The following SLC15A4 variants were observed in gnomAD, a reference collection of about 807,000 sequenced individuals.
SLC15A4 encodes the protein solute carrier family 15 member 4, also known as hPHT1.
A neutral mutation model predicts 46.1 loss-of-function variants in SLC15A4; 26 were observed. The ratio of observed to expected loss-of-function variants is 0.56; its 90% CI spans 0.41 to 0.78. The LOEUF is 0.78. Ranked by LOEUF, SLC15A4 falls within the 30% of genes least tolerant of loss-of-function variation. The pLI, the probability that SLC15A4 is intolerant of heterozygous loss-of-function variation, is 0.00. For synonymous variants in SLC15A4, 370 were observed against 333.4 expected (o/e 1.11, Z -1.20); for missense variants, 751 against 755.7 (o/e 0.99, Z 0.07).
intron 5 of SLC15A4, among the ~76,000 whole-genome samples, chr12:128,805,772 T>G (rs1405359324): frequency 6.6e-6 from 1 of 152,194 alleles, no homozygotes; most frequent in African/African-American, 2.4e-5. Context: ...CCTCAGGTGA[T>G]CTACTCGCCT....
At position 128,799,311 on chromosome 12, in the gene SLC15A4, C is replaced by T. The variant is rs1348512732; in HGVS notation, c.1521G>A (p.Leu507=). The T allele has an allele frequency of 6.2e-7, 1 of 1,614,110 alleles. No homozygotes were observed. The highest frequency in any genetic ancestry group is 1.3e-5 in the African/African-American group (1 of 74,996). Residue 507 remains leucine (L), a synonymous_variant, in exon 7 of 8, where the codon CTG becomes CTA. Transcript: ENST00000266771. ...CGATGGCTTTGATAGACACCAGTGC[C>T]AGCAGTCCAGAACCCACGAACGACC... The part of the protein sequence containing the change: ...GVGSFVGSGL[L]ALVSIKAIGW...
Position 128,823,588 on chromosome 12 carries a change from G to T in SLC15A4, c.356C>A (p.Ala119Asp). 6.9e-7 allele frequency: 1 copy of T among 1,452,786 alleles called. No individual in the cohort carries two copies. Among genetic ancestry groups the T allele is most frequent in the Non-Finnish European group, 9.0e-7 (1 of 1,109,600 alleles). The allele number at this position is 1,452,786 out of a possible 1,614,324, so 90.0% of individuals were successfully genotyped here. A position where few individuals can be genotyped will look rare whatever the true frequency, so the allele number is the denominator to read the frequency against. Residue 119 changes from alanine (A) to aspartate (D), a missense_variant, in exon 1 of 8, where the codon GCC becomes GAC. Ala to Asp is a moderately radical substitution (Grantham distance 126). Coordinates refer to ENST00000266771, the MANE Select transcript of SLC15A4 (RefSeq NM_145648.4). The stretch of plus-strand genomic sequence containing the variant: ...GGCGGGCGCGGCCAGCAGCGGGAAG[G>T]CCAGCATGCCCAGCAGGTAGAGCGC... ...SLALYLLGML[A>D]FPLLAAPATR...
At chr12:128,808,054 T>C (rs143793188) in intron 5 of SLC15A4, among the ~76,000 whole-genome samples, 138 of 152,358 alleles carry the variant, frequency 9.1e-4, no homozygotes, top group African/African-American at 3.2e-3. Context: ...CTTTTATTAT[T>C]ATGTAACTAA....
chr12:128,800,928 G>A lies in SLC15A4; in HGVS notation c.1340C>T (p.Ala447Val). 1 of 1,614,186 alleles carries A rather than the reference G, an allele frequency of 6.2e-7. No homozygotes were observed. Among genetic ancestry groups the A allele is most frequent in the Non-Finnish European group, 8.5e-7 (1 of 1,180,026 alleles). ...QTIGNVVYHAADLSLWWQVPQ... is the reference protein window; with the variant it reads ...QTIGNVVYHAVDLSLWWQVPQ... ...CACCTGCCACCACAGCGACAGATCG[G>A]CAGCATGGTAGACGACGTTGCCGAT... The change falls in exon 6 of 8, where the codon GCC becomes GTC. Residue 447 changes from alanine to valine, a missense_variant. Transcript: ENST00000266771.
At chr12:128,796,464 A>ACATCTGT (rs2135702693) in intron 7 of SLC15A4, among the ~76,000 whole-genome samples, 1 of 141,730 alleles carries the variant, frequency 7.1e-6, no homozygotes. Context: ...AAAAACCCAC[A>ACATCTGT]CATCTGTATG....
At chr12:128,810,526 G>A (rs899812008) in intron 2 of SLC15A4, among the ~76,000 whole-genome samples, 3 of 152,182 alleles carry the variant, frequency 2.0e-5, no homozygotes, top group Non-Finnish European at 4.4e-5. Flanking sequence ...GCACTGGATT[G>A]TGTGAATTTT....
chr12:128,823,340 G>A, intron 1 of SLC15A4, 58 bp downstream of exon 1: 37 of 1,333,432 alleles, frequency 2.8e-5, no homozygotes, highest in Non-Finnish European at 3.5e-5. Flanking sequence ...AGGGGAAGAG[G>A]CTGGGGCTGG....
At position 128,809,351 on chromosome 12, in the gene SLC15A4, A is replaced by G. The variant is rs568619557; in HGVS notation, c.1089+45T>C. On this transcript the variant is annotated intron_variant, in intron 4 of 7. Coordinates refer to ENST00000266771, the MANE Select transcript of SLC15A4 (RefSeq NM_145648.4). ...TTGGTAGAAGGAATCCATTTATTAC[A>G]TAAGTCCAAAATAACAATGTTCAGA... 6.7e-5 allele frequency: 85 copies of G among 1,275,542 alleles called. No homozygotes were observed. The East Asian group carries it at 1.2e-3, about 18-fold the overall frequency. The allele number at this position is 1,275,542 out of a possible 1,614,324, so 79.0% of individuals were successfully genotyped here. A position where few individuals can be genotyped will look rare whatever the true frequency, so the allele number is the denominator to read the frequency against.
Position 128,799,384 on chromosome 12 carries a change from G to A in SLC15A4, c.1448C>T (p.Ser483Phe), listed in dbSNP as rs1320460682. ...LEFAYSAAPK[S>F]MQSAIMGLFF... ...CAAGCCCATTATGGCACTCTGCATG[G>A]ACTTGGGGGCAGCTGAGTATGCAAA... Residue 483 changes from serine (S) to phenylalanine (F), a missense_variant, in exon 7 of 8, where the codon TCC becomes TTC. Transcript: ENST00000266771. The A allele has an allele frequency of 1.2e-6, 2 of 1,614,216 alleles. No homozygotes were observed. The highest frequency in any genetic ancestry group is 1.7e-5 in the Admixed American group (1 of 60,028).
At chr12:128,800,476 G>A (rs1189046465) in intron 6 of SLC15A4, among the ~76,000 whole-genome samples, 1 of 152,178 alleles carries the variant, frequency 6.6e-6, no homozygotes, top group Non-Finnish European at 1.5e-5. Context: ...CTAAAAATTA[G>A]ATCTGCTTCT....
In SLC15A4 at chr12:128,823,819, A is replaced by T; in HGVS notation, c.125T>A (p.Leu42Gln). The T allele has an allele frequency of 2.7e-6, 4 of 1,471,442 alleles. No homozygotes were observed. Among genetic ancestry groups the T allele is most frequent in the Non-Finnish European group, 3.6e-6 (4 of 1,114,134 alleles). The allele number at this position is 1,471,442 out of a possible 1,614,324, so 91.1% of individuals were successfully genotyped here. ...GRRAACGAVL[L>Q]TELLERAAFY... ...AGCGGCGCGCTCCAGCAGCTCCGTC[A>T]GCAGCACGGCCCCGCACGCCGCGCG... Residue 42 changes from leucine (L) to glutamine (Q), a missense_variant, in exon 1 of 8, where the codon CTG becomes CAG. Physicochemically the swap from Leu to Gln is moderately radical, Grantham distance 113. Coordinates refer to ENST00000266771, the MANE Select transcript of SLC15A4 (RefSeq NM_145648.4).
In SLC15A4 at chr12:128,823,491, G is replaced by GCGGGCGGCGGCGTCGGGAC; in HGVS notation, c.434_452dup (p.Cys152SerfsTer39). On this transcript the variant is annotated frameshift_variant, in exon 1 of 8. Coordinates refer to ENST00000266771, the MANE Select transcript of SLC15A4 (RefSeq NM_145648.4). LOFTEE classifies it high-confidence loss of function. ...CCGCGAAGGTGGCCGGTGAGCAGCA[G>GCGGGCGGCGGCGTCGGGAC]CGGGCGGCGGCGTCGGGACCAGGCG... The GCGGGCGGCGGCGTCGGGAC allele has an allele frequency of 6.7e-7, 1 of 1,484,902 alleles. No homozygotes were observed. Among genetic ancestry groups the GCGGGCGGCGGCGTCGGGAC allele is most frequent in the Non-Finnish European group, 8.9e-7 (1 of 1,124,706 alleles). 92.0% of individuals were successfully genotyped at this position (1,484,902 alleles called of 1,614,324 possible).
At chr12:128,811,009 C>G (rs1408542938) in intron 2 of SLC15A4, among the ~76,000 whole-genome samples, 1 of 152,204 alleles carries the variant, frequency 6.6e-6, no homozygotes. Flanking sequence ...GGAACATGGA[C>G]CTGGCATCCC....
intron 4 of SLC15A4, 189 bp downstream of exon 4, chr12:128,809,207 C>T (rs2135713673): frequency 1.7e-6 from 1 of 587,830 alleles, no homozygotes; most frequent in Non-Finnish European, 2.9e-6. Flanking sequence ...TGATGTTAGT[C>T]AACCTAATCT....
In SLC15A4 at chr12:128,800,865, G is replaced by T; in HGVS notation, c.1403C>A (p.Ala468Glu). The change falls in exon 6 of 8, where the codon GCA (alanine) becomes GAA (glutamate). Residue 468 changes from alanine (A) to glutamate (E), a missense_variant. Coordinates refer to ENST00000266771, the MANE Select transcript of SLC15A4 (RefSeq NM_145648.4). ...CTAAAGGTCCTCACCTGCGATACTT[G>T]CAAAGATCTCGCTGATCCCAATCAG... is the stretch of plus-strand genomic sequence containing the variant. The part of the protein sequence containing the change: ...YLLIGISEIF[A>E]SIAGLEFAYS... The T allele has an allele frequency of 6.2e-7, 1 of 1,611,382 alleles. No individual in the cohort carries two copies. Among genetic ancestry groups the T allele is most frequent in the Non-Finnish European group, 8.5e-7 (1 of 1,178,886 alleles).
chr12:128,803,838 G>A (rs764113655), intron 5 of SLC15A4, among the ~76,000 whole-genome samples: 16 of 152,118 alleles, frequency 1.1e-4, no homozygotes, highest in Non-Finnish European at 1.8e-4. Flanking sequence ...ACGACACGAC[G>A]AATTGGACAG....
chr12:128,810,600 T>C (rs1337081926), intron 2 of SLC15A4, among the ~76,000 whole-genome samples: 4 of 152,038 alleles, frequency 2.6e-5, no homozygotes, highest in Non-Finnish European at 4.4e-5. Flanking sequence ...AATAAAACCC[T>C]GCTGGTTTAA....
chr12:128,797,249 G>T (rs1475488417), intron 7 of SLC15A4, among the ~76,000 whole-genome samples: 1 of 151,894 alleles, frequency 6.6e-6, no homozygotes, highest in Non-Finnish European at 1.5e-5. Context: ...GTGACGGCTC[G>T]TACGAAGGAG....
chr12:128,823,735 T>A lies in SLC15A4; in HGVS notation c.209A>T (p.Glu70Val). ...LFLNGAPFCW[E>V]GAQASEALLL... ...CAGCGCCTCGCTGGCCTGCGCGCCC[T>A]CCCAGCAGAACGGCGCCCCGTTCAG... The change falls in exon 1 of 8, where the codon GAG becomes GTG. Residue 70 changes from glutamate to valine, a missense_variant. Coordinates refer to ENST00000266771, the MANE Select transcript of SLC15A4 (RefSeq NM_145648.4). 1.3e-6 allele frequency: 2 copies of A among 1,540,178 alleles called. No individual in the cohort carries two copies. Among genetic ancestry groups the A allele is most frequent in the Admixed American group, 1.9e-5 (1 of 52,818 alleles).
Sources: gnomAD v4.1 joint callset for allele counts (sites outside exome capture counted in the v4.1 genomes callset) on GRCh38, gnomAD v4.1.1 for gene constraint, MANE v1.5 for transcripts, NCBI Gene and HGNC (gene_info 2026-07-23, HGNC 2026-07-21) for gene names.